The following LINGO2 variants were observed in gnomAD, a reference collection of about 807,000 sequenced individuals.
LINGO2 encodes the protein leucine rich repeat and Ig domain containing 2.
LINGO2 carries 14 observed loss-of-function variants against 30.6 expected under a neutral mutation model. The observed-to-expected ratio is 0.46, with a 90% CI of 0.30 to 0.72. The LOEUF (loss-of-function observed/expected upper bound fraction) is 0.72, where lower values mean the gene tolerates loss of function less well. Among genes scored for constraint, LINGO2 ranks in the 30% least tolerant of loss-of-function variants. The pLI, the probability that LINGO2 is intolerant of heterozygous loss-of-function variation, is 0.07. For missense variants in LINGO2, 729 were observed against 751.7 expected (o/e 0.97, Z 0.35); for synonymous variants, 317 against 288.5 (o/e 1.10, Z -1.00).
At chr9:28,726,604 T>G in the LINGO2 span, among the ~76,000 whole-genome samples, 1 of 152,152 alleles carries the variant, frequency 6.6e-6, no homozygotes, top group Non-Finnish European at 1.5e-5. Flanking sequence ...AAACCTTAGG[T>G]GATTTTTATA....
the LINGO2 span, among the ~76,000 whole-genome samples, chr9:28,769,506 ATATATATATATATTTTTTTTTTTTTTTTT>A: frequency 0.011 from 33 of 2,876 alleles, 3 homozygotes; most frequent in East Asian, 0.13. Context: ...ATATATATAT[ATATATATATATATTTTTTTTTTTTTTTTT>A]TTTTTTTTTT....
the LINGO2 span, among the ~76,000 whole-genome samples, chr9:28,792,824 C>T: frequency 6.0e-4 from 92 of 152,262 alleles, no homozygotes; most frequent in Admixed American, 2.3e-3. Flanking sequence ...TTATTGTCCT[C>T]ATGCTATGCA....
chr9:28,616,956 G>GT (rs1019743770), intron 1 of LINGO2, among the ~76,000 whole-genome samples: 13 of 151,792 alleles, frequency 8.6e-5, no homozygotes, highest in Non-Finnish European at 1.8e-4. Context: ...ATGTTTGTTT[G>GT]TTTTTTTTCT....
the LINGO2 span, among the ~76,000 whole-genome samples, chr9:28,816,053 A>G: frequency 1.3e-5 from 2 of 152,294 alleles, no homozygotes; most frequent in African/African-American, 4.8e-5. Context: ...ATGTGGTGAA[A>G]GGGCACTCAA....
At chr9:28,005,708 G>A (rs970816949) in intron 5 of LINGO2, among the ~76,000 whole-genome samples, 1 of 152,112 alleles carries the variant, frequency 6.6e-6, no homozygotes, top group Non-Finnish European at 1.5e-5. Flanking sequence ...AGTAAAAATG[G>A]CAATGAATTT....
the LINGO2 span, among the ~76,000 whole-genome samples, chr9:28,723,937 C>A: frequency 6.6e-6 from 1 of 151,974 alleles, no homozygotes; most frequent in Non-Finnish European, 1.5e-5. Context: ...AAAAAATTAA[C>A]AAGATGAGCT....
rs1406856230 is a variant in LINGO2, at chr9:28,246,914, C to A, written c.-87+48294G>T. Reference sequence around the variant, plus strand: ...ACTAAAACAAATTTACAAGAAAAAACAAACAAACAACCCTTTTTCAAAGTG... The same window carrying A: ...ACTAAAACAAATTTACAAGAAAAAAAAAACAAACAACCCTTTTTCAAAGTG... On this transcript the variant is annotated intron_variant, in intron 4 of 5. Coordinates refer to ENST00000379992, the Ensembl canonical transcript of LINGO2. Among the ~76,000 whole-genome samples, 4 of 151,802 alleles carry A rather than the reference C, an allele frequency of 2.6e-5. No homozygotes were observed. The East Asian group carries it at 7.7e-4, about 29-fold the overall frequency.
rs887140408 is a variant in LINGO2 at position 28,147,652 on chromosome 9, G to T, written c.-86-135247C>A. Among the ~76,000 whole-genome samples, 54 of 152,284 alleles carry T rather than the reference G, an allele frequency of 3.5e-4. 2 individuals are homozygous for T. Among genetic ancestry groups the T allele is most frequent in the African/African-American group, 9.1e-4 (38 of 41,588 alleles). On this transcript the variant is annotated intron_variant, in intron 4 of 5. Coordinates refer to ENST00000379992, the Ensembl canonical transcript of LINGO2. The surrounding 1 kb of genome is among the most constrained non-coding windows in gnomAD (Gnocchi z 4.7). ...CCAGCACCTGGGCGAGGTGCCAGGTGGAAGGGCTCTGGCGGATCAGCCCCG... is the reference window on the plus strand; with the variant it reads ...CCAGCACCTGGGCGAGGTGCCAGGTTGAAGGGCTCTGGCGGATCAGCCCCG...
chr9:29,115,223 C>G, the LINGO2 span, among the ~76,000 whole-genome samples: 43 of 152,074 alleles, frequency 2.8e-4, no homozygotes, highest in African/African-American at 1.0e-3. Flanking sequence ...TATTATCTAA[C>G]TTGCTCTCAA....
the LINGO2 span, among the ~76,000 whole-genome samples, chr9:29,212,665 C>T: frequency 1.3e-5 from 2 of 152,338 alleles, no homozygotes; most frequent in Non-Finnish European, 2.9e-5. Context: ...TGTATATCAA[C>T]CTCCACAGAG....
chr9:28,099,657 G>T (rs372454286), intron 4 of LINGO2, among the ~76,000 whole-genome samples: 10 of 152,268 alleles, frequency 6.6e-5, no homozygotes, highest in East Asian at 5.8e-4. Flanking sequence ...ATTGAAGCAA[G>T]AATGATTTTT....
the LINGO2 span, among the ~76,000 whole-genome samples, chr9:29,202,274 A>G: frequency 5.9e-5 from 9 of 152,090 alleles, no homozygotes; most frequent in African/African-American, 2.2e-4. Flanking sequence ...AGAATATGAT[A>G]CTAAGCTCAT....
chr9:28,035,452 T>C (rs943523020), intron 4 of LINGO2, among the ~76,000 whole-genome samples: 1 of 152,242 alleles, frequency 6.6e-6, no homozygotes, highest in Admixed American at 6.5e-5. Context: ...ATAATTACAA[T>C]ACTGCTTCTG....
the LINGO2 span, among the ~76,000 whole-genome samples, chr9:29,109,686 C>T: frequency 6.6e-6 from 1 of 152,158 alleles, no homozygotes; most frequent in Admixed American, 6.5e-5. Flanking sequence ...CCTAGGTAGC[C>T]ATATACCATC....
chr9:28,819,715 C>T, the LINGO2 span, among the ~76,000 whole-genome samples: 1 of 152,192 alleles, frequency 6.6e-6, no homozygotes, highest in Admixed American at 6.5e-5. Context: ...CAAGCAGGTC[C>T]TGTGGCAGAG....
chr9:28,962,176 A>G, the LINGO2 span, among the ~76,000 whole-genome samples: 33 of 152,230 alleles, frequency 2.2e-4, no homozygotes, highest in South Asian at 5.4e-3. Flanking sequence ...TCCTAAAAAG[A>G]TTAGCCAATG....
the LINGO2 span, among the ~76,000 whole-genome samples, chr9:28,784,286 C>G: frequency 6.6e-6 from 1 of 152,044 alleles, no homozygotes; most frequent in Admixed American, 6.6e-5. Context: ...GAAGAGAACA[C>G]AAAAGAAATA....
chr9:28,594,602 A>G (rs893958485), intron 1 of LINGO2, among the ~76,000 whole-genome samples: 6 of 152,128 alleles, frequency 3.9e-5, no homozygotes, highest in African/African-American at 1.2e-4. Context: ...CTTGTTTACA[A>G]TATATAGAAC....
chr9:28,508,991 T>A (rs1820262993), intron 1 of LINGO2, among the ~76,000 whole-genome samples: 1 of 152,120 alleles, frequency 6.6e-6, no homozygotes, highest in Admixed American at 6.6e-5. Context: ...ACATGCTACA[T>A]ACTAATCTGC....
Sources: gnomAD v4.1 joint callset for allele counts (sites outside exome capture counted in the v4.1 genomes callset) on GRCh38, gnomAD v4.1.1 for gene constraint, Gnocchi (gnomAD v3.1) non-coding constraint, MANE v1.5 for transcripts, NCBI Gene and HGNC (gene_info 2026-07-23, HGNC 2026-07-21) for gene names.